Variants in MSRB3 observed in about 807,000 individuals in gnomAD.
The protein encoded by MSRB3 is methionine-R-sulfoxide reductase B3.
In MSRB3, 13 loss-of-function variants were observed where a neutral mutation model predicts 21.0. That is an observed-to-expected ratio of 0.62 (90% CI 0.40 to 0.98). The LOEUF is 0.98. Among genes scored for constraint, MSRB3 ranks in the 50% least tolerant of loss-of-function variants. The pLI, the probability that MSRB3 is intolerant of heterozygous loss-of-function variation, is 0.00. For synonymous variants in MSRB3, 87 were observed against 88.6 expected (o/e 0.98, Z 0.10); for missense variants, 199 against 230.3 (o/e 0.86, Z 0.88).
intron 2 of MSRB3, among the ~76,000 whole-genome samples, chr12:65,322,424 C>T (rs545189076): frequency 1.6e-4 from 24 of 151,872 alleles, no homozygotes; most frequent in African/African-American, 5.8e-4. Flanking sequence ...TTTGGGAGGC[C>T]GAGGCGGGCA....
At chr12:65,350,227 CG>C (rs1421182664) in intron 4 of MSRB3, among the ~76,000 whole-genome samples, 2 of 151,158 alleles carry the variant, frequency 1.3e-5, no homozygotes, top group Admixed American at 6.6e-5. Flanking sequence ...TGTAGATATG[CG>C]GCGTTATTTC....
chr12:65,301,432 T>C (rs1322075964), intron 1 of MSRB3, among the ~76,000 whole-genome samples: 1 of 152,202 alleles, frequency 6.6e-6, no homozygotes, highest in Non-Finnish European at 1.5e-5. Context: ...TTTGGAAAAC[T>C]TGCATTTCCT....
intron 1 of MSRB3, among the ~76,000 whole-genome samples, chr12:65,288,286 A>G (rs1872500311): frequency 6.7e-6 from 1 of 149,466 alleles, no homozygotes; most frequent in African/African-American, 2.5e-5. Flanking sequence ...CTGGCAAGAG[A>G]GCGAGACCCC....
intron 2 of MSRB3, among the ~76,000 whole-genome samples, chr12:65,317,123 T>A (rs1315228659): frequency 1.3e-5 from 2 of 152,162 alleles, no homozygotes; most frequent in Non-Finnish European, 2.9e-5. Context: ...AGTAGTAACT[T>A]TTTTGGGCCC....
chr12:65,284,334 T>C (rs1007391092), intron 1 of MSRB3: 1 of 152,212 alleles, frequency 6.6e-6, no homozygotes, highest in African/African-American at 2.4e-5. Flanking sequence ...TCTTAAGGAA[T>C]GAAGACCTAA....
chr12:65,326,797 T>G (rs373232387), intron 2 of MSRB3, 29 bp from the exon 3 acceptor site: 35 of 1,576,698 alleles, frequency 2.2e-5, no homozygotes, highest in Middle Eastern at 3.3e-4. Context: ...CTAAAAAGGC[T>G]TCTTCTCCCA....
At chr12:65,376,870 C>T (rs1332241190) in intron 5 of MSRB3, among the ~76,000 whole-genome samples, 12 of 152,142 alleles carry the variant, frequency 7.9e-5, no homozygotes, top group Non-Finnish European at 1.8e-4. Context: ...AAAGAGGAAA[C>T]ATATTATTCC....
intron 5 of MSRB3, among the ~76,000 whole-genome samples, chr12:65,372,259 C>T (rs542670328): frequency 2.0e-4 from 31 of 152,258 alleles, no homozygotes; most frequent in African/African-American, 6.5e-4. Flanking sequence ...TTAAGAAAAC[C>T]TTCAACCAGA....
intron 2 of MSRB3, among the ~76,000 whole-genome samples, chr12:65,323,673 A>G (rs1243305462): frequency 6.6e-6 from 1 of 152,208 alleles, no homozygotes; most frequent in Non-Finnish European, 1.5e-5. Flanking sequence ...AAACCATCCA[A>G]TGAATTACTC....
intron 2 of MSRB3, among the ~76,000 whole-genome samples, chr12:65,318,517 G>A (rs2136437600): frequency 6.6e-6 from 1 of 151,854 alleles, no homozygotes; most frequent in Admixed American, 6.6e-5. Context: ...TTTTTTTTAT[G>A]GGCTATGATG....
chr12:65,337,429 T>A lies in MSRB3; in HGVS notation c.263+8826T>A, dbSNP rs1426148572. Among the ~76,000 whole-genome samples the A allele has an allele frequency of 6.5e-4, 7 of 10,800 alleles. No individual in the cohort carries two copies. In the East Asian group the frequency reaches 9.8e-3, roughly 15 times the overall value. The allele number at this position is 10,800 out of a possible 152,430, so 7.1% of individuals were successfully genotyped here. ...AGCCTGGTGACAGAGTGAGACTACATCAAAAAAAAAAAAAAAAAAAAAAAA... is the reference window on the plus strand; with the variant it reads ...AGCCTGGTGACAGAGTGAGACTACAACAAAAAAAAAAAAAAAAAAAAAAAA... On this transcript the variant is annotated intron_variant, in intron 4 of 6. Coordinates refer to ENST00000308259, the MANE Select transcript of MSRB3 (RefSeq NM_001031679.3).
chr12:65,428,435 A>G (rs149207969), intron 5 of MSRB3, among the ~76,000 whole-genome samples: 6 of 152,132 alleles, frequency 3.9e-5, no homozygotes, highest in Non-Finnish European at 7.4e-5. Context: ...GAGAAAGCTG[A>G]TATCTCCTAC....
rs1883596531 is a variant in MSRB3 at position 65,466,900 on chromosome 12, TA to T, written c.*3583del. 1 of 152,256 alleles carries T rather than the reference TA, an allele frequency of 6.6e-6. No individual in the cohort carries two copies. Among genetic ancestry groups the T allele is most frequent in the African/African-American group, 2.4e-5 (1 of 41,470 alleles). 9.4% of individuals were successfully genotyped at this position (152,256 alleles called of 1,614,324 possible). ...AGAATTATGCAATAAAATTTCTTTA[TA>T]AAAATATTTTCTTCTTTGATTCCTG... On this transcript the variant is annotated 3_prime_UTR_variant, in exon 7 of 7. Coordinates refer to ENST00000308259, the MANE Select transcript of MSRB3 (RefSeq NM_001031679.3).
intron 5 of MSRB3, among the ~76,000 whole-genome samples, chr12:65,433,029 T>C: frequency 6.6e-6 from 1 of 151,812 alleles, no homozygotes; most frequent in East Asian, 1.9e-4. Context: ...AGTGGGAATG[T>C]AAAATGGTAC....
intron 4 of MSRB3, among the ~76,000 whole-genome samples, chr12:65,334,150 A>C (rs964135207): frequency 6.6e-6 from 1 of 152,216 alleles, no homozygotes; most frequent in Admixed American, 6.5e-5. Context: ...AATATTTTGT[A>C]TACACTTATT....
chr12:65,429,786 G>A (rs1463954138), intron 5 of MSRB3, among the ~76,000 whole-genome samples: 1 of 152,144 alleles, frequency 6.6e-6, no homozygotes, highest in Non-Finnish European at 1.5e-5. Flanking sequence ...AATTCAGGAT[G>A]ATGTGAATGA....
In MSRB3 at chr12:65,340,334, A is replaced by G. The variant is rs929959615; in HGVS notation, c.263+11731A>G. Among the ~76,000 whole-genome samples the G allele has an allele frequency of 3.3e-5, 5 of 152,316 alleles. No homozygotes were observed. In the East Asian group the frequency reaches 7.7e-4, roughly 23 times the overall value. ...CCAGACTGAAGCTAGGAGGGCAAGA[A>G]AAAATTATAGATAAGAAATATGTTT... On this transcript the variant is annotated intron_variant, in intron 4 of 6. Coordinates refer to ENST00000308259, the MANE Select transcript of MSRB3 (RefSeq NM_001031679.3).
intron 4 of MSRB3, among the ~76,000 whole-genome samples, chr12:65,335,838 A>G (rs1297725246): frequency 6.6e-6 from 1 of 152,196 alleles, no homozygotes; most frequent in African/African-American, 2.4e-5. Context: ...ATTCCAGAAA[A>G]TGTTTCTTAA....
intron 4 of MSRB3, among the ~76,000 whole-genome samples, chr12:65,362,858 T>A (rs1877791413): frequency 6.6e-6 from 1 of 152,172 alleles, no homozygotes; most frequent in African/African-American, 2.4e-5. Flanking sequence ...ACTGCTGTTC[T>A]CACTAGTCAC....
Sources: gnomAD v4.1 joint callset for allele counts (sites outside exome capture counted in the v4.1 genomes callset) on GRCh38, gnomAD v4.1.1 for gene constraint, MANE v1.5 for transcripts, NCBI Gene and HGNC (gene_info 2026-07-23, HGNC 2026-07-21) for gene names.